Variants in PAK5 observed in about 807,000 individuals in gnomAD.
PAK5 encodes the protein p21 (RAC1) activated kinase 5, also known as serine/threonine-protein kinase PAK 5.
In PAK5, 16 loss-of-function variants were observed where a neutral mutation model predicts 65.9. The observed-to-expected ratio is 0.24, with a 90% CI of 0.16 to 0.37. The LOEUF (loss-of-function observed/expected upper bound fraction) is 0.37. Among genes scored for constraint, PAK5 ranks in the 10% least tolerant of loss-of-function variants. PAK5 has a pLI of 1.00. For missense variants in PAK5, 785 were observed against 903.9 expected (o/e 0.87, Z 1.69); for synonymous variants, 371 against 354.9 (o/e 1.05, Z -0.51).
intron 1 of PAK5, among the ~76,000 whole-genome samples, chr20:9,749,006 G>A (rs890900916): frequency 2.0e-5 from 3 of 151,902 alleles, no homozygotes; most frequent in Non-Finnish European, 4.4e-5. Flanking sequence ...CTCCATTACC[G>A]CAGGTTAGTT....
At chr20:9,806,821 TAA>T (rs778372473) in intron 1 of PAK5, among the ~76,000 whole-genome samples, 3 of 152,204 alleles carry the variant, frequency 2.0e-5, no homozygotes, top group Non-Finnish European at 2.9e-5. Flanking sequence ...ACTTATGACT[TAA>T]GACAACATAA....
chr20:9,695,745 C>T (rs1220018086), intron 2 of PAK5, among the ~76,000 whole-genome samples: 7 of 151,964 alleles, frequency 4.6e-5, no homozygotes, highest in Admixed American at 2.6e-4. Context: ...TGTTGAGAAG[C>T]TATTTACAAA....
At chr20:9,704,307 G>A (rs2047978129) in intron 2 of PAK5, among the ~76,000 whole-genome samples, 1 of 152,142 alleles carries the variant, frequency 6.6e-6, no homozygotes, top group Non-Finnish European at 1.5e-5. Context: ...AGTTGGCAAT[G>A]AACCATCCTC....
At chr20:9,542,820 A>C in intron 8 of PAK5, 100 bp from the exon 9 acceptor site, 1 of 1,005,498 alleles carries the variant, frequency 9.9e-7, no homozygotes, top group Non-Finnish European at 1.5e-6. Context: ...TGACTATGGC[A>C]CTTGTAACCT....
chr20:9,594,031 G>A (rs16996123), intron 3 of PAK5, among the ~76,000 whole-genome samples: 9,759 of 152,262 alleles, frequency 0.064, 521 homozygotes, highest in African/African-American at 0.15. Flanking sequence ...ATGCACATTG[G>A]AATCATCAGG....
At chr20:9,694,320 TTGTGTGTGTGTGTGTGTG>T (rs35457999) in intron 2 of PAK5, among the ~76,000 whole-genome samples, 1 of 148,718 alleles carries the variant, frequency 6.7e-6, no homozygotes, top group Non-Finnish European at 1.5e-5. Flanking sequence ...GTGTGTGTGT[TTGTGTGTGTGTGTGTGTG>T]TGTGTGTATT....
chr20:9,544,770 CT>C (rs940719983), intron 7 of PAK5, among the ~76,000 whole-genome samples: 38 of 152,278 alleles, frequency 2.5e-4, no homozygotes, highest in African/African-American at 8.2e-4. Context: ...AACAAAAAAT[CT>C]TTACAAATTA....
At chr20:9,618,206 G>A (rs2046696241) in intron 3 of PAK5, among the ~76,000 whole-genome samples, 1 of 152,038 alleles carries the variant, frequency 6.6e-6, no homozygotes, top group South Asian at 2.1e-4. Flanking sequence ...TCTAGGAAGT[G>A]CCAGAACATA....
In PAK5 at chr20:9,589,595, C is replaced by A. The variant is rs533806834; in HGVS notation, c.205-8665G>T. Among the ~76,000 whole-genome samples, 36 of 152,292 alleles carry A rather than the reference C, an allele frequency of 2.4e-4. No homozygotes were observed. The South Asian group carries it at 7.3e-3, about 31-fold the overall frequency. ...AGAGTGGAGGTAGTGGTAAGGGATT[C>A]TAACCAGAAAATCCCTCTTTAACAA... is the stretch of plus-strand genomic sequence containing the variant. On this transcript the variant is annotated intron_variant, in intron 3 of 9. Coordinates refer to ENST00000353224, the MANE Select transcript of PAK5 (RefSeq NM_177990.4).
chr20:9,820,534 T>C (rs1189780621), intron 1 of PAK5, among the ~76,000 whole-genome samples: 2 of 152,230 alleles, frequency 1.3e-5, no homozygotes, highest in African/African-American at 2.4e-5. Flanking sequence ...AGAATTCTTA[T>C]TGAATTCATT....
intron 1 of PAK5, among the ~76,000 whole-genome samples, chr20:9,814,125 A>G (rs538637075): frequency 1.7e-4 from 24 of 140,006 alleles, no homozygotes; most frequent in African/African-American, 6.4e-4. Flanking sequence ...GTGGACTTCA[A>G]CAGGATGGCC....
At chr20:9,809,256 G>A (rs1269215866) in intron 1 of PAK5, among the ~76,000 whole-genome samples, 1 of 151,470 alleles carries the variant, frequency 6.6e-6, no homozygotes, top group African/African-American at 2.4e-5. Context: ...CAGACTGTCT[G>A]GAAAGGTAAC....
At chr20:9,829,455 C>A (rs1475151363) in intron 1 of PAK5, among the ~76,000 whole-genome samples, 1 of 152,120 alleles carries the variant, frequency 6.6e-6, no homozygotes, top group Non-Finnish European at 1.5e-5. Flanking sequence ...CTTGAGTGAC[C>A]TATTTTATGG....
intron 2 of PAK5, among the ~76,000 whole-genome samples, chr20:9,682,144 T>A (rs571715201): frequency 2.0e-5 from 3 of 152,116 alleles, no homozygotes; most frequent in Admixed American, 2.0e-4. Context: ...GATCACGAGG[T>A]CAGGAGATCG....
intron 7 of PAK5, among the ~76,000 whole-genome samples, chr20:9,552,342 C>A (rs1457554260): frequency 1.3e-5 from 2 of 152,198 alleles, no homozygotes; most frequent in Non-Finnish European, 2.9e-5. Flanking sequence ...AATGTTGGCC[C>A]TAGGCCAAGG....
chr20:9,602,222 C>T (rs1031754278), intron 3 of PAK5, among the ~76,000 whole-genome samples: 3 of 149,592 alleles, frequency 2.0e-5, no homozygotes, highest in African/African-American at 4.9e-5. Context: ...ACCCAGGAGG[C>T]GGAGGTTGCA....
At chr20:9,571,344 T>G (rs1489804885) in intron 4 of PAK5, among the ~76,000 whole-genome samples, 3 of 152,210 alleles carry the variant, frequency 2.0e-5, no homozygotes, top group African/African-American at 7.2e-5. Context: ...TCAACAGGTC[T>G]TGTTCTTTTT....
chr20:9,611,885 G>A (rs74918806), intron 3 of PAK5, among the ~76,000 whole-genome samples: 2,416 of 152,244 alleles, frequency 0.016, 58 homozygotes, highest in African/African-American at 0.054. Context: ...ACTCACTTTT[G>A]TCCCTTTCCT....
chr20:9,605,128 G>A (rs2046429525), intron 3 of PAK5, among the ~76,000 whole-genome samples: 1 of 152,230 alleles, frequency 6.6e-6, no homozygotes, highest in Admixed American at 6.5e-5. Flanking sequence ...GGGCCTCTGT[G>A]CTGCAGCAGA....
Sources: gnomAD v4.1 joint callset for allele counts (sites outside exome capture counted in the v4.1 genomes callset) on GRCh38, gnomAD v4.1.1 for gene constraint, MANE v1.5 for transcripts, NCBI Gene and HGNC (gene_info 2026-07-23, HGNC 2026-07-21) for gene names.